EPB41L3: variants seen among roughly 807,000 people sequenced by gnomAD.
EPB41L3 encodes erythrocyte membrane protein band 4.1 like 3.
EPB41L3 carries 57 observed loss-of-function variants against 127.1 expected under a neutral mutation model. That is an observed-to-expected ratio of 0.45 (90% CI 0.36 to 0.56). EPB41L3 has a LOEUF of 0.56. Ranked by LOEUF, EPB41L3 falls within the 20% of genes least tolerant of loss-of-function variation. The pLI is 0.00. For missense variants in EPB41L3, 1,273 were observed against 1,372.2 expected (o/e 0.93, Z 1.14); for synonymous variants, 572 against 549.5 (o/e 1.04, Z -0.57).
chr18:5,440,924 T>G (rs2080615362), intron 5 of EPB41L3, among the ~76,000 whole-genome samples: 1 of 152,210 alleles, frequency 6.6e-6, no homozygotes, highest in South Asian at 2.1e-4. Flanking sequence ...ACACCCAGAC[T>G]GGAGTGCAGT....
At chr18:5,467,677 G>C (rs761598207) in intron 3 of EPB41L3, 3 of 152,226 alleles carry the variant, frequency 2.0e-5, no homozygotes, top group Non-Finnish European at 2.9e-5. Context: ...GAAGTCAAAA[G>C]TGTACAGAAT....
At chr18:5,433,363 A>C in intron 8 of EPB41L3, 106 bp downstream of exon 8, 2 of 741,214 alleles carry the variant, frequency 2.7e-6, no homozygotes, top group Non-Finnish European at 4.5e-6. Context: ...GAATTCTCAG[A>C]GGTTTCATTT....
chr18:5,509,341 A>G (rs1265347239), intron 1 of EPB41L3, among the ~76,000 whole-genome samples: 1 of 152,242 alleles, frequency 6.6e-6, no homozygotes, highest in African/African-American at 2.4e-5. Flanking sequence ...TAAGGTGTCC[A>G]TTCCTGGGGA....
chr18:5,469,036 T>C (rs2085564275), intron 3 of EPB41L3, among the ~76,000 whole-genome samples: 1 of 152,214 alleles, frequency 6.6e-6, no homozygotes, highest in Admixed American at 6.5e-5. Flanking sequence ...ATAAAGCACC[T>C]CTTTGTCCTG....
intron 3 of EPB41L3, among the ~76,000 whole-genome samples, chr18:5,583,917 T>A (rs1429359576): frequency 6.6e-6 from 1 of 152,192 alleles, no homozygotes; most frequent in Non-Finnish European, 1.5e-5. Flanking sequence ...CATGCGATTC[T>A]CCTGCCTCAG....
intron 1 of EPB41L3, among the ~76,000 whole-genome samples, chr18:5,620,161 A>G (rs1278002517): frequency 6.6e-6 from 1 of 152,216 alleles, no homozygotes; most frequent in Admixed American, 6.5e-5. Context: ...ATCTATGACA[A>G]TGCTTCAGGA....
chr18:5,477,110 A>G (rs1262628284), intron 3 of EPB41L3, among the ~76,000 whole-genome samples: 1 of 152,194 alleles, frequency 6.6e-6, no homozygotes, highest in Non-Finnish European at 1.5e-5. Context: ...CGTGAAATGG[A>G]TTTGAATCTT....
At chr18:5,569,718 G>A (rs144721412) in intron 3 of EPB41L3, among the ~76,000 whole-genome samples, 3 of 152,050 alleles carry the variant, frequency 2.0e-5, no homozygotes, top group African/African-American at 4.8e-5. Flanking sequence ...TGGTTTTTCC[G>A]GCATTCCTAA....
At chr18:5,466,327 G>C (rs1169249144) in intron 3 of EPB41L3, 2 of 152,154 alleles carry the variant, frequency 1.3e-5, no homozygotes, top group Non-Finnish European at 2.9e-5. Flanking sequence ...TCAGACACTG[G>C]ACTGTAGGGC....
At chr18:5,456,370 A>C (rs1027224721) in intron 3 of EPB41L3, among the ~76,000 whole-genome samples, 1 of 152,238 alleles carries the variant, frequency 6.6e-6, no homozygotes, top group Non-Finnish European at 1.5e-5. Context: ...ATAAACCACC[A>C]GCATATTTAA....
intron 1 of EPB41L3, among the ~76,000 whole-genome samples, chr18:5,540,029 A>G (rs147199320): frequency 2.4e-4 from 36 of 152,352 alleles, no homozygotes; most frequent in African/African-American, 8.2e-4. Flanking sequence ...GAGAGACCAC[A>G]TACTTTTTTT....
intron 3 of EPB41L3, among the ~76,000 whole-genome samples, chr18:5,597,677 T>G (rs1785414): frequency 0.49 from 73,873 of 152,028 alleles, 18,070 homozygotes; most frequent in East Asian, 0.57. Flanking sequence ...TAGGAAGATT[T>G]TGCAAATCCT....
At chr18:5,428,006 C>T (rs980868424) in intron 9 of EPB41L3, among the ~76,000 whole-genome samples, 20 of 152,014 alleles carry the variant, frequency 1.3e-4, no homozygotes, top group African/African-American at 3.9e-4. Context: ...ACCCCGCCCC[C>T]GGCCTCCCAA....
In EPB41L3 at chr18:5,407,066, T is replaced by C; in HGVS notation, c.2158-98A>G. ...TTAAAAGTAATGTCAATCTTATTAG[T>C]AGTCAAAATAAAACAAAATTTTGAT... On this transcript the variant is annotated intron_variant, in intron 15 of 22. Coordinates refer to ENST00000341928, the MANE Select transcript of EPB41L3 (RefSeq NM_012307.5). 3 of 1,186,692 alleles carry C rather than the reference T, an allele frequency of 2.5e-6. No individual in the cohort carries two copies. In the South Asian group the frequency reaches 4.3e-5, roughly 17 times the overall value. The allele number at this position is 1,186,692 out of a possible 1,614,324, so 73.5% of individuals were successfully genotyped here.
chr18:5,463,917 C>A (rs1303351830), intron 3 of EPB41L3: 2 of 152,152 alleles, frequency 1.3e-5, no homozygotes, highest in Admixed American at 6.5e-5. Context: ...CGATGTTTTG[C>A]CACAAGAGAA....
intron 2 of EPB41L3, among the ~76,000 whole-genome samples, chr18:5,482,616 A>T (rs1038136795): frequency 1.3e-5 from 2 of 152,190 alleles, no homozygotes; most frequent in African/African-American, 4.8e-5. Context: ...AGAAAAAGAA[A>T]CAAATAACAG....
intron 3 of EPB41L3, among the ~76,000 whole-genome samples, chr18:5,582,895 C>T (rs755937912): frequency 2.6e-5 from 4 of 152,124 alleles, no homozygotes; most frequent in Non-Finnish European, 4.4e-5. Flanking sequence ...GAGGCATGCC[C>T]GGGAGTGGGG....
intron 3 of EPB41L3, among the ~76,000 whole-genome samples, chr18:5,611,495 T>A (rs1568645334): frequency 6.6e-6 from 1 of 152,192 alleles, no homozygotes; most frequent in Non-Finnish European, 1.5e-5. Flanking sequence ...TTGGTTAATG[T>A]GTAGAGTTTC....
At chr18:5,523,628 A>G (rs538646036) in intron 1 of EPB41L3, among the ~76,000 whole-genome samples, 3 of 152,262 alleles carry the variant, frequency 2.0e-5, no homozygotes, top group Admixed American at 2.0e-4. Context: ...TCTACTAAAA[A>G]TACAAAATTA....
Sources: gnomAD v4.1 joint callset for allele counts (sites outside exome capture counted in the v4.1 genomes callset) on GRCh38, gnomAD v4.1.1 for gene constraint, MANE v1.5 for transcripts, NCBI Gene and HGNC (gene_info 2026-07-23, HGNC 2026-07-21) for gene names.